The following SIGLEC11 variants were observed in gnomAD, a reference collection of about 807,000 sequenced individuals.
SIGLEC11 encodes sialic acid binding Ig like lectin 11, also known as sialic acid-binding Ig-like lectin 11.
SIGLEC11 carries 47 observed loss-of-function variants against 61.2 expected under a neutral mutation model. That is an observed-to-expected ratio of 0.77 (90% CI 0.61 to 0.98). The LOEUF (loss-of-function observed/expected upper bound fraction) is 0.98. Among genes scored for constraint, SIGLEC11 ranks in the 50% least tolerant of loss-of-function variants. SIGLEC11 has a pLI of 0.00. For missense variants in SIGLEC11, 610 were observed against 870.3 expected (o/e 0.70, Z 3.76); for synonymous variants, 278 against 373.1 (o/e 0.75, Z 2.94).
intron 2 of SIGLEC11, 55 bp from the exon 3 acceptor site, chr19:49,960,476 T>C: frequency 6.3e-7 from 1 of 1,589,890 alleles, no homozygotes; most frequent in South Asian, 1.1e-5. Flanking sequence ...CTGAGAGCCC[T>C]CTCTGCTCAG....
At chr19:49,957,653 G>A (rs748318721) in intron 8 of SIGLEC11, among the ~76,000 whole-genome samples, 4 of 152,152 alleles carry the variant, frequency 2.6e-5, no homozygotes, top group Admixed American at 6.5e-5. Context: ...AAGGCCACAA[G>A]TTATGCACTA....
rs777121389 is a variant in SIGLEC11, at chr19:49,958,270, A to C, written c.1651+13T>G. ...CTTTCTCCCTGAACCTCAGCCCCCC[A>C]CAGTCCCCTCACCTGGTAGCAGCTG... On this transcript the variant is annotated intron_variant, in intron 8 of 10. Coordinates refer to ENST00000447370, the MANE Select transcript of SIGLEC11 (RefSeq NM_052884.3). 3.0e-5 allele frequency: 49 copies of C among 1,612,248 alleles called. 1 individual carries two copies. The South Asian group carries it at 3.1e-4, about 10-fold the overall frequency.
chr19:49,958,621 GT>G lies in SIGLEC11; in HGVS notation c.1363+21del, dbSNP rs1417945068. 3 of 1,572,214 alleles carry G rather than the reference GT, an allele frequency of 1.9e-6. No individual in the cohort carries two copies. The African/African-American group carries it at 4.1e-5, about 21-fold the overall frequency. ...GCAGGGGCCCCTTCCTGGGACCCAG[GT>G]GTCCCCTTTCCCCCACTCACAGTGC... is the stretch of plus-strand genomic sequence containing the variant. On this transcript the variant is annotated intron_variant, in intron 7 of 10. Coordinates refer to ENST00000447370, the MANE Select transcript of SIGLEC11 (RefSeq NM_052884.3).
At chr19:49,957,767 C>T (rs1438000572) in intron 8 of SIGLEC11, among the ~76,000 whole-genome samples, 2 of 152,154 alleles carry the variant, frequency 1.3e-5, no homozygotes, top group African/African-American at 4.8e-5. Context: ...TTTGGGAGGT[C>T]CAGGTGCGTG....
chr19:49,952,436 G>A (rs2076165156), intron 8 of SIGLEC11, 42 bp from the exon 9 acceptor site: 1 of 1,493,144 alleles, frequency 6.7e-7, no homozygotes, highest in South Asian at 1.2e-5. Flanking sequence ...TCCTGGCCCT[G>A]AGACCCTCCT....
chr19:49,959,682 G>GGGGGGGGGGGGCC, intron 4 of SIGLEC11, 59 bp from the exon 5 acceptor site: 1 of 164,078 alleles, frequency 6.1e-6, no homozygotes, highest in East Asian at 1.1e-4. Context: ...GGGAGGGGGG[G>GGGGGGGGGGGGCC]CTGCAAAGAG....
At chr19:49,950,940 C>T (rs577741432) in intron 10 of SIGLEC11, among the ~76,000 whole-genome samples, 51 of 152,114 alleles carry the variant, frequency 3.4e-4, no homozygotes, top group Non-Finnish European at 6.6e-4. Flanking sequence ...TAAAGGATTC[C>T]CCTTGCCCAG....
In SIGLEC11 at chr19:49,959,376, C is replaced by T; in HGVS notation, c.1041G>A (p.Leu347=). The T allele has an allele frequency of 6.3e-7, 1 of 1,599,208 alleles. No individual in the cohort carries two copies. Among genetic ancestry groups the T allele is most frequent in the South Asian group, 1.1e-5 (1 of 88,000 alleles). ...CACACTCACACTGCACAGAGAGGTC[C>T]AGGGCTTGCTGCTGGGAGCCAAGCC... ...ENRLGSQQQA[L]DLSVQYPPEN... is the part of the protein sequence containing the mutation. The change falls in exon 5 of 11, where the codon CTG becomes CTA. Residue 347 remains leucine, a synonymous_variant. Transcript: ENST00000447370.
At chr19:49,957,238 A>T (rs1490481849) in intron 8 of SIGLEC11, among the ~76,000 whole-genome samples, 1 of 152,218 alleles carries the variant, frequency 6.6e-6, no homozygotes, top group African/African-American at 2.4e-5. Flanking sequence ...AAAGAAAAAA[A>T]GTGTCTCTTC....
chr19:49,958,416 G>A lies in SIGLEC11; in HGVS notation c.1518C>T (p.Thr506=), dbSNP rs372760405. 1.2e-6 allele frequency: 2 copies of A among 1,614,030 alleles called. No individual in the cohort carries two copies. Among genetic ancestry groups the A allele is most frequent in the Non-Finnish European group, 1.7e-6 (2 of 1,179,988 alleles). Reference sequence around the variant, plus strand: ...TGGCCCAGGGCCCGGCTGAGCTGGGGGTGACCTCGAAGGAGCCCTGACTGC... The same window carrying A: ...TGGCCCAGGGCCCGGCTGAGCTGGGAGTGACCTCGAAGGAGCCCTGACTGC... The part of the protein sequence containing the change: ...GNSSQGSFEV[T]PSSAGPWANS... The change falls in exon 8 of 11, where the codon ACC becomes ACT. Residue 506 remains threonine, a synonymous_variant. Transcript: ENST00000447370.
rs973643158 is a variant in SIGLEC11 at position 49,955,573 on chromosome 19, A to G, written c.1651+2710T>C. Among the ~76,000 whole-genome samples, 1 of 152,214 alleles carries G rather than the reference A, an allele frequency of 6.6e-6. No individual in the cohort carries two copies. Among genetic ancestry groups the G allele is most frequent in the African/African-American group, 2.4e-5 (1 of 41,464 alleles). The stretch of plus-strand genomic sequence containing the variant: ...GCTGTAGGAGCAGGATAACTCAGGA[A>G]GGAAAAAGGAAGCAGAACATAGGCT... On this transcript the variant is annotated intron_variant, in intron 8 of 10. Transcript: ENST00000447370. This position sits in a 1 kb window ranked among gnomAD's most constrained non-coding sequence, Gnocchi z 4.5.
At chr19:49,958,928 T>A in intron 6 of SIGLEC11, 28 bp from the exon 7 acceptor site, 2 of 1,606,272 alleles carry the variant, frequency 1.2e-6, no homozygotes, top group Non-Finnish European at 1.7e-6. Flanking sequence ...AGAATCGACG[T>A]GCAGCTCAGG....
chr19:49,953,935 T>C (rs940067972), intron 8 of SIGLEC11, among the ~76,000 whole-genome samples: 3 of 152,166 alleles, frequency 2.0e-5, no homozygotes, highest in Non-Finnish European at 2.9e-5. Flanking sequence ...GAGAACTCTC[T>C]TTGAATTAGA....
intron 8 of SIGLEC11, among the ~76,000 whole-genome samples, chr19:49,956,196 C>T (rs547915149): frequency 6.6e-5 from 10 of 152,322 alleles, no homozygotes; most frequent in Admixed American, 3.9e-4. Context: ...CAAGTTCAAG[C>T]GTCTGGCTCT....
chr19:49,950,267 A>G (rs1316464852), intron 10 of SIGLEC11, 31 bp from the exon 11 acceptor site: 1 of 1,517,770 alleles, frequency 6.6e-7, no homozygotes, highest in Non-Finnish European at 8.8e-7. Context: ...GGGTCAAATT[A>G]GGGTCATGGG....
rs199735090 is a variant in SIGLEC11, at chr19:49,959,342, C to T, written c.1057+18G>A. 341 of 1,602,382 alleles carry T rather than the reference C, an allele frequency of 2.1e-4. 5 individuals are homozygous for T. The highest frequency in any genetic ancestry group is 6.9e-4 in the Admixed American group (41 of 59,518). On this transcript the variant is annotated intron_variant, in intron 5 of 10. Transcript: ENST00000447370. The stretch of plus-strand genomic sequence containing the variant: ...CTGCCCTCCCAATGGACTCCAGGCC[C>T]CTGCTAGGCACACTCACACTGCACA...
chr19:49,952,698 C>T (rs1167599068), intron 8 of SIGLEC11, among the ~76,000 whole-genome samples: 3 of 152,174 alleles, frequency 2.0e-5, no homozygotes, highest in African/African-American at 7.2e-5. Flanking sequence ...TGAAGGAAAA[C>T]AAGAAAGAAA....
In SIGLEC11 at chr19:49,958,435, T is replaced by C. The variant is rs753709247; in HGVS notation, c.1499A>G (p.Gln500Arg). 1 of 1,613,870 alleles carries C rather than the reference T, an allele frequency of 6.2e-7. No individual in the cohort carries two copies. Among genetic ancestry groups the C allele is most frequent in the Non-Finnish European group, 8.5e-7 (1 of 1,179,966 alleles). Residue 500 changes from glutamine (Q) to arginine (R), a missense_variant, in exon 8 of 11, where the codon CAG (glutamine) becomes CGG (arginine). This residue lies in a region of SIGLEC11 where 432 missense variants were observed against 441.5 expected (regional missense o/e 0.98). Coordinates refer to ENST00000447370, the MANE Select transcript of SIGLEC11 (RefSeq NM_052884.3). ...GEELLEGNSSQGSFEVTPSSA... is the reference protein window; with the variant it reads ...GEELLEGNSSRGSFEVTPSSA... ...GCTGGGGGTGACCTCGAAGGAGCCC[T>C]GACTGCTGTTCCCCTCCAGCAGCTC...
In SIGLEC11 at chr19:49,951,434, A is replaced by G. The variant is rs2076157418; in HGVS notation, c.1830+457T>C. The stretch of plus-strand genomic sequence containing the variant: ...ATCACAGCTCTCAGTGAGTCCTGCG[A>G]GTCCTAGGGGGTTATCCAACCTCAG... On this transcript the variant is annotated intron_variant, in intron 10 of 10. Coordinates refer to ENST00000447370, the MANE Select transcript of SIGLEC11 (RefSeq NM_052884.3). This position sits in a 1 kb window ranked among gnomAD's most constrained non-coding sequence, Gnocchi z 4.6. Among the ~76,000 whole-genome samples the G allele has an allele frequency of 6.6e-6, 1 of 152,184 alleles. No homozygotes were observed. The highest frequency in any genetic ancestry group is 2.1e-4 in the South Asian group (1 of 4,828).
Sources: allele counts gnomAD v4.1 joint callset (sites outside exome capture counted in the v4.1 genomes callset), GRCh38; gene constraint gnomAD v4.1.1; regional missense constraint gnomAD v4.1.1; non-coding constraint Gnocchi (gnomAD v3.1); transcripts MANE v1.5; gene names NCBI Gene and HGNC (gene_info 2026-07-23, HGNC 2026-07-21).